USP32: variants seen among roughly 807,000 people sequenced by gnomAD.
The protein encoded by USP32 is ubiquitin specific peptidase 32.
Under a neutral mutation model 204.8 loss-of-function variants are expected in USP32, and 59 were observed. The observed-to-expected ratio is 0.29, with a 90% CI of 0.23 to 0.36. The LOEUF (loss-of-function observed/expected upper bound fraction) is 0.36, where lower values mean the gene tolerates loss of function less well. Ranked by LOEUF, USP32 falls within the 10% of genes least tolerant of loss-of-function variation. USP32 has a pLI of 1.00. For missense variants in USP32, 1,160 were observed against 1,946.4 expected, an observed-to-expected ratio of 0.60 and a Z score of 7.60; for synonymous variants, 517 against 678.4, an observed-to-expected ratio of 0.76 and a Z score of 3.70.
At chr17:60,281,530 C>T (rs1232047340) in intron 5 of USP32, among the ~76,000 whole-genome samples, 10 of 148,408 alleles carry the variant, frequency 6.7e-5, no homozygotes, top group Middle Eastern at 6.9e-3. Context: ...AGTGAGACTC[C>T]GTCTCAAAAA....
chr17:60,262,687 T>G (rs2086483542), intron 9 of USP32, among the ~76,000 whole-genome samples: 1 of 152,164 alleles, frequency 6.6e-6, no homozygotes, highest in East Asian at 1.9e-4. Flanking sequence ...CTTCAATATA[T>G]GAATCTGTTA....
intron 1 of USP32, among the ~76,000 whole-genome samples, chr17:60,409,496 A>T (rs1347352119): frequency 6.6e-6 from 1 of 152,256 alleles, no homozygotes; most frequent in Non-Finnish European, 1.5e-5. Flanking sequence ...TCAGAGGGAA[A>T]AAAAGAGGGT....
chr17:60,253,481 C>A (rs2086218721), intron 10 of USP32, among the ~76,000 whole-genome samples: 1 of 151,564 alleles, frequency 6.6e-6, no homozygotes, highest in East Asian at 1.9e-4. Context: ...AAATAGTTGA[C>A]CAGGCTAGGC....
At chr17:60,260,276 T>C (rs574819955) in intron 9 of USP32, among the ~76,000 whole-genome samples, 4 of 152,172 alleles carry the variant, frequency 2.6e-5, no homozygotes, top group African/African-American at 9.6e-5. Context: ...ATCCCAGCAC[T>C]TTGGGAGGCT....
chr17:60,258,689 C>G (rs146048628), intron 9 of USP32, among the ~76,000 whole-genome samples: 1 of 152,122 alleles, frequency 6.6e-6, no homozygotes, highest in Non-Finnish European at 1.5e-5. Flanking sequence ...GAGAACACTT[C>G]GCTGTTTTAC....
intron 1 of USP32, among the ~76,000 whole-genome samples, chr17:60,386,240 G>A (rs971984170): frequency 1.3e-5 from 2 of 151,736 alleles, no homozygotes; most frequent in African/African-American, 4.8e-5. Context: ...AAAAGCAAAA[G>A]CAGAAGCATA....
chr17:60,266,384 C>T (rs1336079596), intron 7 of USP32, among the ~76,000 whole-genome samples: 1 of 152,226 alleles, frequency 6.6e-6, no homozygotes, highest in East Asian at 1.9e-4. Flanking sequence ...GGCGAAGTTA[C>T]TGTACAATAA....
intron 2 of USP32, among the ~76,000 whole-genome samples, chr17:60,339,664 CAGTA>C (rs2088610811): frequency 6.6e-6 from 1 of 150,522 alleles, no homozygotes; most frequent in Non-Finnish European, 1.5e-5. Flanking sequence ...GAATGTATAA[CAGTA>C]AGTCTTCGGA....
At chr17:60,272,073 C>T (rs2086736479) in intron 5 of USP32, among the ~76,000 whole-genome samples, 1 of 152,260 alleles carries the variant, frequency 6.6e-6, no homozygotes, top group South Asian at 2.1e-4. Flanking sequence ...CCTCTGCTTC[C>T]CAAAGTGTTG....
Position 60,294,383 on chromosome 17 carries a change from A to AGTGTGTGTGTGTGTGTGTGT in USP32, c.411+280_411+299dup, listed in dbSNP as rs60195146. On this transcript the variant is annotated intron_variant, in intron 4 of 33. Transcript: ENST00000300896. ...GAGCACTGTTTCAGGTTCCTGCAGG[A>AGTGTGTGTGTGTGTGTGTGT]GTGTGTGTGTGTGTGTGTGTGTGTG... 9.2e-3 allele frequency among the ~76,000 whole-genome samples: 1,341 copies of AGTGTGTGTGTGTGTGTGTGT among 146,444 alleles called. 20 individuals are homozygous for AGTGTGTGTGTGTGTGTGTGT. The highest frequency in any genetic ancestry group is 0.016 in the African/African-American group (642 of 39,678).
chr17:60,306,239 G>A (rs1207268361), intron 2 of USP32, among the ~76,000 whole-genome samples: 2 of 152,206 alleles, frequency 1.3e-5, no homozygotes, highest in African/African-American at 4.8e-5. Context: ...TAGCAAGGAT[G>A]CTGGCAGTCC....
upstream of USP32, among the ~76,000 whole-genome samples, chr17:60,396,596 TCAAGA>T (rs2089902909): frequency 6.6e-6 from 1 of 152,152 alleles, no homozygotes; most frequent in South Asian, 2.1e-4. Flanking sequence ...CTTTGGGAAG[TCAAGA>T]CAAGAGTATT....
intron 2 of USP32, among the ~76,000 whole-genome samples, chr17:60,314,128 CTTTTTTT>C (rs35830572): frequency 1.9e-5 from 1 of 52,828 alleles, no homozygotes; most frequent in Non-Finnish European, 3.2e-5. Flanking sequence ...TATTGTGTGG[CTTTTTTT>C]TTTTTTTTTT....
At chr17:60,405,248 G>T (rs990099723) in intron 1 of USP32, among the ~76,000 whole-genome samples, 3 of 152,090 alleles carry the variant, frequency 2.0e-5, no homozygotes, top group African/African-American at 4.8e-5. Flanking sequence ...TGTCACCCAG[G>T]CTGGAGTGCA....
intron 30 of USP32, among the ~76,000 whole-genome samples, chr17:60,185,037 G>A (rs1408231548): frequency 6.6e-6 from 1 of 152,202 alleles, no homozygotes; most frequent in African/African-American, 2.4e-5. Context: ...CAACTCAGTA[G>A]TGTGCCATAG....
intron 9 of USP32, among the ~76,000 whole-genome samples, chr17:60,259,290 A>C (rs1268204306): frequency 6.6e-6 from 1 of 152,186 alleles, no homozygotes; most frequent in Admixed American, 6.5e-5. Flanking sequence ...AAAGAGAAGA[A>C]GTCACTATTT....
chr17:60,356,299 C>G (rs1258898163), intron 1 of USP32, among the ~76,000 whole-genome samples: 1 of 152,104 alleles, frequency 6.6e-6, no homozygotes, highest in Non-Finnish European at 1.5e-5. Context: ...AACAGCAAGC[C>G]CACAAGGGCT....
chr17:60,277,913 A>G (rs1217971109), intron 5 of USP32, among the ~76,000 whole-genome samples: 1 of 145,414 alleles, frequency 6.9e-6, no homozygotes. Flanking sequence ...ACTTAATAAT[A>G]GTTCCTTTTT....
chr17:60,201,072 G>C (rs192386312), intron 26 of USP32, among the ~76,000 whole-genome samples: 280 of 152,226 alleles, frequency 1.8e-3, no homozygotes, highest in African/African-American at 6.5e-3. Flanking sequence ...TGCCCAGGCT[G>C]GTCTTAAACT....
Sources: allele counts gnomAD v4.1 joint callset (sites outside exome capture counted in the v4.1 genomes callset), GRCh38; gene constraint gnomAD v4.1.1; transcripts MANE v1.5; gene names NCBI Gene and HGNC (gene_info 2026-07-23, HGNC 2026-07-21).